The following BRD7 variants were observed in gnomAD, a reference collection of about 807,000 sequenced individuals.
The protein encoded by BRD7 is bromodomain containing 7, also known as bromodomain-containing protein 7.
Under a neutral mutation model 82.1 loss-of-function variants are expected in BRD7, and 15 were observed. That is an observed-to-expected ratio of 0.18 (90% confidence interval 0.12 to 0.28). BRD7 has a LOEUF of 0.28. Among genes scored for constraint, BRD7 ranks in the 10% least tolerant of loss-of-function variants. The pLI is 1.00. For missense variants in BRD7, 638 were observed against 779.9 expected (o/e 0.82, Z 2.17); for synonymous variants, 232 against 266.9 (o/e 0.87, Z 1.27).
At chr16:50,332,847 C>T (rs1441032318) in intron 8 of BRD7, among the ~76,000 whole-genome samples, 4 of 152,236 alleles carry the variant, frequency 2.6e-5, no homozygotes, top group East Asian at 1.9e-4. Context: ...TGGATGAAGA[C>T]GGAGGCCACT....
In BRD7 at chr16:50,347,872, G is replaced by A. The variant is rs536914018; in HGVS notation, c.591+2151C>T. 4.6e-5 allele frequency among the ~76,000 whole-genome samples: 7 copies of A among 152,200 alleles called. No individual in the cohort carries two copies. In the South Asian group the frequency reaches 1.5e-3, roughly 32 times the overall value. ...ATAGATTCAATGCCATCCCCATCAA[G>A]CTACCAATGACTTTCTTCACAGAAT... On this transcript the variant is annotated intron_variant, in intron 5 of 16. Transcript: ENST00000394688.
In BRD7 at chr16:50,363,626, C is replaced by CTTTAT. The variant is rs1401176933; in HGVS notation, c.258+4463_258+4464insATAAA. Among the ~76,000 whole-genome samples the CTTTAT allele has an allele frequency of 1.1e-4, 16 of 144,740 alleles. No homozygotes were observed. The Admixed American group carries it at 1.1e-3, about 10-fold the overall frequency. The allele number at this position is 144,740 out of a possible 152,430, so 95.0% of individuals were successfully genotyped here. The stretch of plus-strand genomic sequence containing the variant: ...GAGGCACTTTTGAAAAATTGTAAGG[C>CTTTAT]TTTACGTTGTGTGTTTGTGTGTGTG... On this transcript the variant is annotated intron_variant, in intron 2 of 16. Coordinates refer to ENST00000394688, the MANE Select transcript of BRD7 (RefSeq NM_013263.5).
intron 9 of BRD7, among the ~76,000 whole-genome samples, chr16:50,327,557 T>C (rs2037390860): frequency 6.6e-6 from 1 of 152,202 alleles, no homozygotes; most frequent in African/African-American, 2.4e-5. Flanking sequence ...TCTCCTCCTT[T>C]AGAGAACATT....
intron 8 of BRD7, among the ~76,000 whole-genome samples, chr16:50,329,783 A>C (rs758716167): frequency 2.0e-5 from 3 of 152,234 alleles, no homozygotes; most frequent in African/African-American, 7.2e-5. Context: ...AAACAACCTG[A>C]GTAGGAATTA....
At chr16:50,320,812 G>C in intron 13 of BRD7, 38 bp from the exon 14 acceptor site, 2 of 1,402,740 alleles carry the variant, frequency 1.4e-6, no homozygotes, top group African/African-American at 1.4e-5. Context: ...ACTGGCGCTT[G>C]CTAAGCCACA....
chr16:50,368,331 C>G, intron 1 of BRD7, 33 bp from the exon 2 acceptor site: 1 of 1,600,134 alleles, frequency 6.2e-7, no homozygotes, highest in Non-Finnish European at 8.5e-7. Flanking sequence ...AAGGAAAGCG[C>G]GTCGATTAAA....
In BRD7 at chr16:50,368,085, T is replaced by G; in HGVS notation, c.258+5A>C. 6.2e-7 allele frequency: 1 copy of G among 1,613,916 alleles called. No individual in the cohort carries two copies. Among genetic ancestry groups the G allele is most frequent in the Non-Finnish European group, 8.5e-7 (1 of 1,179,822 alleles). On this transcript the variant is annotated splice_donor_5th_base_variant and intron_variant, in intron 2 of 16. Coordinates refer to ENST00000394688, the MANE Select transcript of BRD7 (RefSeq NM_013263.5). ...GCAAAGCCAAAGCAATGTAACCACT[T>G]GTACCTTAACTCTTCTCCGTTTTCT...
chr16:50,320,416 C>A (rs768740636), intron 14 of BRD7, 25 bp from the exon 15 acceptor site: 14 of 1,608,598 alleles, frequency 8.7e-6, no homozygotes, highest in African/African-American at 1.3e-5. Flanking sequence ...AACAGACACA[C>A]TTCTGTTTGA....
Position 50,334,279 on chromosome 16 carries a change from A to G in BRD7, c.887+432T>C, listed in dbSNP as rs565391643. Among the ~76,000 whole-genome samples the G allele has an allele frequency of 2.6e-5, 4 of 152,312 alleles. No individual in the cohort carries two copies. In the East Asian group the frequency reaches 7.7e-4, roughly 29 times the overall value. ...TTCAGCGTTGCTCCCACCAGCTGAC[A>G]TTGGGTGGAAAACATGGGCACGCTG... is the stretch of plus-strand genomic sequence containing the variant. On this transcript the variant is annotated intron_variant, in intron 7 of 16. Transcript: ENST00000394688.
At chr16:50,368,540 G>A (rs1320100671) in intron 1 of BRD7, 186 bp downstream of exon 1, 4 of 707,960 alleles carry the variant, frequency 5.7e-6, no homozygotes, top group Non-Finnish European at 8.6e-6. Context: ...GGACCAGGGG[G>A]ACCCGGGTTC....
rs1052366165 is a variant in BRD7 at position 50,316,474 on chromosome 16, G to A, written c.*2737C>T. The A allele has an allele frequency of 5.3e-5, 8 of 152,330 alleles. No individual in the cohort carries two copies. Among genetic ancestry groups the A allele is most frequent in the African/African-American group, 1.7e-4 (7 of 41,444 alleles). 9.4% of individuals were successfully genotyped at this position (152,330 alleles called of 1,614,324 possible). ...TTACTTTTCTTACCAGAAAGGAATGGAGTCTGTTTAGAGACAACTTGGACA... is the reference window on the plus strand; with the variant it reads ...TTACTTTTCTTACCAGAAAGGAATGAAGTCTGTTTAGAGACAACTTGGACA... On this transcript the variant is annotated 3_prime_UTR_variant, in exon 17 of 17. Transcript: ENST00000394688.
intron 5 of BRD7, 114 bp downstream of exon 5, chr16:50,349,908 TG>T (rs1188350171): frequency 9.6e-7 from 1 of 1,043,378 alleles, no homozygotes; most frequent in Non-Finnish European, 1.3e-6. Context: ...ACAAAGATAC[TG>T]GATCTTAAAA....
intron 2 of BRD7, among the ~76,000 whole-genome samples, chr16:50,359,837 GGAGA>G (rs1437523435): frequency 2.1e-5 from 3 of 142,468 alleles, no homozygotes; most frequent in Non-Finnish European, 3.0e-5. Flanking sequence ...GAGATCTGAA[GGAGA>G]AAGAATCTAG....
intron 2 of BRD7, among the ~76,000 whole-genome samples, chr16:50,363,769 A>C (rs940203494): frequency 6.6e-6 from 1 of 152,150 alleles, no homozygotes; most frequent in African/African-American, 2.4e-5. Flanking sequence ...CCCCGCAACT[A>C]AAATGCCAGA....
Position 50,352,138 on chromosome 16 carries a change from CAT to C in BRD7, c.447-1973_447-1972del, listed in dbSNP as rs543386573. 1.0e-3 allele frequency among the ~76,000 whole-genome samples: 157 copies of C among 152,340 alleles called. 1 individual carries two copies. Among genetic ancestry groups the C allele is most frequent in the African/African-American group, 3.6e-3 (150 of 41,568 alleles). ...TATGAATCAACTTTTTAAGATCCCA[CAT>C]GAGTGAGATGATGTCATATTTGTGC... On this transcript the variant is annotated intron_variant, in intron 4 of 16. Transcript: ENST00000394688.
At chr16:50,363,672 CGTGCGCGTGT>C (rs1253750686) in intron 2 of BRD7, among the ~76,000 whole-genome samples, 2 of 63,418 alleles carry the variant, frequency 3.2e-5, no homozygotes, top group East Asian at 3.0e-4. Flanking sequence ...CGCGCGCGCG[CGTGCGCGTGT>C]GCTTCCCCCA....
rs756971140 is a variant in BRD7 at position 50,333,568 on chromosome 16, A to G, written c.1011+6T>C. 9.3e-6 allele frequency: 15 copies of G among 1,609,768 alleles called. No homozygotes were observed. Among genetic ancestry groups the G allele is most frequent in the Admixed American group, 1.7e-5 (1 of 59,272 alleles). On this transcript the variant is annotated splice_donor_region_variant and intron_variant, in intron 8 of 16. Coordinates refer to ENST00000394688, the MANE Select transcript of BRD7 (RefSeq NM_013263.5). ...GTAGAGAAAAGAAAAGGCAAAGCTC[A>G]ATCACCTGACTGTTCACAAGCCGCC...
chr16:50,322,853 C>T (rs1567598298), intron 12 of BRD7, among the ~76,000 whole-genome samples: 1 of 152,104 alleles, frequency 6.6e-6, no homozygotes, highest in East Asian at 1.9e-4. Flanking sequence ...AGTCCAAGTG[C>T]GGATATTTTA....
intron 13 of BRD7, among the ~76,000 whole-genome samples, chr16:50,321,332 G>A (rs1479267567): frequency 6.6e-6 from 1 of 152,136 alleles, no homozygotes; most frequent in African/African-American, 2.4e-5. Flanking sequence ...AGGCCGAGGT[G>A]GGCGGATCAC....
Sources: gnomAD v4.1 joint callset for allele counts (sites outside exome capture counted in the v4.1 genomes callset) on GRCh38, gnomAD v4.1.1 for gene constraint, MANE v1.5 for transcripts, NCBI Gene and HGNC (gene_info 2026-07-23, HGNC 2026-07-21) for gene names.